Variants in OLFM3 observed in about 807,000 individuals in gnomAD.
OLFM3 encodes the protein noelin-3.
In OLFM3, 20 loss-of-function variants were observed where a neutral mutation model predicts 48.6. The ratio of observed to expected loss-of-function variants is 0.41; its 90% CI spans 0.29 to 0.60. The LOEUF (loss-of-function observed/expected upper bound fraction) is 0.60, where lower values mean the gene tolerates loss of function less well. Ranked by LOEUF, OLFM3 falls within the 20% of genes least tolerant of loss-of-function variation. The pLI, the probability that OLFM3 is intolerant of heterozygous loss-of-function variation, is 0.28. For synonymous variants in OLFM3, 222 were observed against 198.1 expected (o/e 1.12, Z -1.01); for missense variants, 437 against 544.3 (o/e 0.80, Z 1.96).
chr1:101,850,594 A>C, intron 1 of OLFM3, among the ~76,000 whole-genome samples: 1 of 152,100 alleles, frequency 6.6e-6, no homozygotes, highest in East Asian at 1.9e-4. Context: ...AGATGTGGGA[A>C]GGTTTCTAGA....
At position 101,996,926 on chromosome 1, in the gene OLFM3, T is replaced by G. The variant is rs1661579627; in HGVS notation, c.-110A>C. The G allele has an allele frequency of 1.7e-6, 2 of 1,176,646 alleles. No homozygotes were observed. Among genetic ancestry groups the G allele is most frequent in the African/African-American group, 1.5e-5 (1 of 65,922 alleles). 72.9% of individuals were successfully genotyped at this position (1,176,646 alleles called of 1,614,324 possible). ...TTTCTGCCTGCCAGTCAGAGCCGAGTGGAAGCAGAGGCGGCGGCAGCAGCA... is the reference window on the plus strand; with the variant it reads ...TTTCTGCCTGCCAGTCAGAGCCGAGGGGAAGCAGAGGCGGCGGCAGCAGCA... On this transcript the variant is annotated 5_prime_UTR_variant, in exon 1 of 6. Coordinates refer to ENST00000370103, the MANE Select transcript of OLFM3 (RefSeq NM_058170.4).
intron 1 of OLFM3, among the ~76,000 whole-genome samples, chr1:101,990,766 C>T (rs1570695798): frequency 2.0e-5 from 3 of 151,500 alleles, no homozygotes; most frequent in South Asian, 2.1e-4. Context: ...CGGCAGATCA[C>T]GAGGTCAGGA....
intron 1 of OLFM3, among the ~76,000 whole-genome samples, chr1:101,865,211 A>C (rs1656810694): frequency 6.6e-6 from 1 of 151,458 alleles, no homozygotes; most frequent in Non-Finnish European, 1.5e-5. Flanking sequence ...AGCCCCCTGC[A>C]CCAGGGTGAT....
At chr1:101,894,575 G>A (rs941128055) in intron 1 of OLFM3, among the ~76,000 whole-genome samples, 1 of 152,102 alleles carries the variant, frequency 6.6e-6, no homozygotes, top group East Asian at 1.9e-4. Context: ...AACTCAGAGG[G>A]AATTACACTT....
In OLFM3 at chr1:101,938,396, A is replaced by C. The variant is rs182880946; in HGVS notation, c.69+58352T>G. Among the ~76,000 whole-genome samples the C allele has an allele frequency of 1.1e-3, 173 of 152,318 alleles. 2 individuals are homozygous for C. The highest frequency in any genetic ancestry group is 4.0e-3 in the African/African-American group (167 of 41,578). ...TTTGGGGGATACTCCAAGTTTTTCT[A>C]GTCCCCTGAAATGCATGCATGAGTC... On this transcript the variant is annotated intron_variant, in intron 1 of 5. Coordinates refer to ENST00000370103, the MANE Select transcript of OLFM3 (RefSeq NM_058170.4).
At chr1:101,939,381 A>T (rs192315878) in intron 1 of OLFM3, among the ~76,000 whole-genome samples, 1 of 152,172 alleles carries the variant, frequency 6.6e-6, no homozygotes, top group East Asian at 1.9e-4. Flanking sequence ...TCCAACAAAC[A>T]TGTTCATTGC....
intron 1 of OLFM3, among the ~76,000 whole-genome samples, chr1:101,844,999 T>C (rs959224402): frequency 1.3e-5 from 2 of 152,118 alleles, no homozygotes; most frequent in Non-Finnish European, 2.9e-5. Context: ...GGAAATGTCA[T>C]AGACATTGCT....
chr1:101,885,082 T>C (rs1657694572), intron 1 of OLFM3, among the ~76,000 whole-genome samples: 2 of 152,008 alleles, frequency 1.3e-5, no homozygotes, highest in Non-Finnish European at 2.9e-5. Context: ...AGCCATCAGA[T>C]TCCTGCTGGA....
At chr1:101,928,644 G>A (rs991934531) in intron 1 of OLFM3, among the ~76,000 whole-genome samples, 4 of 152,124 alleles carry the variant, frequency 2.6e-5, no homozygotes, top group Non-Finnish European at 5.9e-5. Context: ...TTCTAAGGGT[G>A]TGATAAGGGG....
At chr1:101,912,698 G>A (rs1658800339) in intron 1 of OLFM3, among the ~76,000 whole-genome samples, 1 of 152,152 alleles carries the variant, frequency 6.6e-6, no homozygotes, top group African/African-American at 2.4e-5. Flanking sequence ...GAATGATTTG[G>A]AGAATATCTA....
At chr1:101,954,525 C>A (rs1442703660) in intron 1 of OLFM3, among the ~76,000 whole-genome samples, 1 of 151,916 alleles carries the variant, frequency 6.6e-6, no homozygotes, top group Non-Finnish European at 1.5e-5. Flanking sequence ...TTAATTTTAG[C>A]TTTTGATAAT....
chr1:101,915,246 AT>A (rs201422544), intron 1 of OLFM3, among the ~76,000 whole-genome samples: 1,650 of 152,174 alleles, frequency 0.011, 33 homozygotes, highest in African/African-American at 0.037. Context: ...AATACCTGAA[AT>A]TTTTTGGAGT....
At chr1:101,887,197 C>T (rs1010068155) in intron 1 of OLFM3, among the ~76,000 whole-genome samples, 2 of 149,734 alleles carry the variant, frequency 1.3e-5, no homozygotes, top group African/African-American at 4.9e-5. Flanking sequence ...AGCCATGAAT[C>T]AAAAAATTTA....
At chr1:101,982,251 C>G (rs968354659) in intron 1 of OLFM3, among the ~76,000 whole-genome samples, 1 of 152,072 alleles carries the variant, frequency 6.6e-6, no homozygotes. Context: ...TCATAGGGTC[C>G]AATCAGCATA....
intron 4 of OLFM3, chr1:101,812,629 C>G: frequency 3.0e-6 from 3 of 985,710 alleles, no homozygotes; most frequent in Non-Finnish European, 2.4e-6. Flanking sequence ...CTTGGGGTGT[C>G]TTTGGCTTCG....
At chr1:101,828,328 G>C (rs939805771) in intron 3 of OLFM3, among the ~76,000 whole-genome samples, 1 of 152,098 alleles carries the variant, frequency 6.6e-6, no homozygotes, top group Non-Finnish European at 1.5e-5. Context: ...GCATTATACA[G>C]TTAATATACT....
chr1:101,895,349 A>G (rs1658156196), intron 1 of OLFM3, among the ~76,000 whole-genome samples: 1 of 150,910 alleles, frequency 6.6e-6, no homozygotes, highest in African/African-American at 2.4e-5. Context: ...TGACAAAATT[A>G]CTCTTAAGCT....
chr1:101,855,159 T>C (rs936660728), intron 1 of OLFM3, among the ~76,000 whole-genome samples: 10 of 152,102 alleles, frequency 6.6e-5, no homozygotes, highest in African/African-American at 2.4e-4. Flanking sequence ...AGAAAGTATA[T>C]AAAATGTGCC....
chr1:101,828,933 C>T (rs1353237175), intron 3 of OLFM3, among the ~76,000 whole-genome samples: 2 of 152,138 alleles, frequency 1.3e-5, no homozygotes, highest in African/African-American at 2.4e-5. Context: ...TTTTCTTGAT[C>T]CCCCTATAAT....
Sources: gnomAD v4.1 joint callset for allele counts (sites outside exome capture counted in the v4.1 genomes callset) on GRCh38, gnomAD v4.1.1 for gene constraint, MANE v1.5 for transcripts, NCBI Gene and HGNC (gene_info 2026-07-23, HGNC 2026-07-21) for gene names.